The following POU2AF3 variants were observed in gnomAD, a reference collection of about 807,000 sequenced individuals.
POU2AF3 encodes the protein cancer susceptibility candidate 13.
chr11:111,302,317 G>A, the POU2AF3 span, among the ~76,000 whole-genome samples: 1 of 152,222 alleles, frequency 6.6e-6, no homozygotes, highest in Non-Finnish European at 1.5e-5. Flanking sequence ...TCAGTTCAGA[G>A]ATGGTTATAT....
chr11:111,308,358 G>C, the POU2AF3 span: 3 of 1,551,730 alleles, frequency 1.9e-6, no homozygotes, highest in African/African-American at 4.1e-5. Flanking sequence ...AGCACAGACT[G>C]TGTGGACTTT....
At chr11:111,298,826 G>GGGGGGGGGCGCC in the POU2AF3 span, 7 of 790,956 alleles carry the variant, frequency 8.9e-6, no homozygotes, top group Non-Finnish European at 1.0e-5. Context: ...CGTACCCCAG[G>GGGGGGGGGCGCC]CCCCCGCCCG....
At chr11:111,301,242 G>A in the POU2AF3 span, among the ~76,000 whole-genome samples, 7 of 152,154 alleles carry the variant, frequency 4.6e-5, no homozygotes, top group Non-Finnish European at 1.5e-5. Context: ...CAGTCATAAG[G>A]GTATACCCTG....
the POU2AF3 span, chr11:111,308,118 A>G: frequency 3.2e-6 from 5 of 1,545,736 alleles, no homozygotes; most frequent in African/African-American, 1.4e-5. Flanking sequence ...TCCTTAGACT[A>G]CAGTTACTCG....
At chr11:111,306,471 T>C in the POU2AF3 span, 8 of 1,511,824 alleles carry the variant, frequency 5.3e-6, no homozygotes, top group Admixed American at 9.6e-5. Flanking sequence ...TTGTGTTTCA[T>C]GTGAAGAAAA....
the POU2AF3 span, chr11:111,299,009 G>T: frequency 1.0e-6 from 1 of 995,306 alleles, no homozygotes; most frequent in Non-Finnish European, 1.2e-6. Flanking sequence ...AGGGGCGCCC[G>T]CTGCCCGCGG....
the POU2AF3 span, among the ~76,000 whole-genome samples, chr11:111,301,662 C>A: frequency 1.6e-4 from 25 of 152,264 alleles, no homozygotes; most frequent in Admixed American, 7.8e-4. Context: ...TATCCTCAAG[C>A]AAATTACCCA....
At chr11:111,304,786 AAAAG>A in the POU2AF3 span, 7 of 445,888 alleles carry the variant, frequency 1.6e-5, no homozygotes, top group South Asian at 1.2e-4. Flanking sequence ...TTGAAAAAAA[AAAAG>A]AAAGCAACTT....
chr11:111,304,879 C>G, the POU2AF3 span: 27 of 1,099,634 alleles, frequency 2.5e-5, no homozygotes, highest in Admixed American at 8.5e-5. Flanking sequence ...GCTTTCCCTT[C>G]AGAGCATTTC....
the POU2AF3 span, among the ~76,000 whole-genome samples, chr11:111,307,675 T>C: frequency 6.6e-6 from 1 of 152,204 alleles, no homozygotes; most frequent in South Asian, 2.1e-4. Context: ...ATCACCTGAT[T>C]CTTCATGGTG....
the POU2AF3 span, among the ~76,000 whole-genome samples, chr11:111,304,435 AAATT>A: frequency 5.9e-5 from 9 of 152,302 alleles, no homozygotes; most frequent in Non-Finnish European, 1.0e-4. Context: ...TTTTTACTAA[AAATT>A]AATCACTTTT....
the POU2AF3 span, among the ~76,000 whole-genome samples, chr11:111,304,271 A>C: frequency 6.6e-6 from 1 of 152,096 alleles, no homozygotes; most frequent in Non-Finnish European, 1.5e-5. Context: ...GGTATATGAA[A>C]TTTTTGAGAA....
At chr11:111,298,825 G>GGCGGC in the POU2AF3 span, 1 of 852,674 alleles carries the variant, frequency 1.2e-6, no homozygotes, top group South Asian at 6.2e-5. Context: ...GCGTACCCCA[G>GGCGGC]GCCCCCGCCC....
At chr11:111,299,739 G>A in the POU2AF3 span, 4 of 1,229,698 alleles carry the variant, frequency 3.3e-6, no homozygotes, top group East Asian at 6.3e-5. Flanking sequence ...GGAGAGAGGG[G>A]AAGAAGGGGA....
chr11:111,302,398 T>C, the POU2AF3 span, among the ~76,000 whole-genome samples: 1 of 152,152 alleles, frequency 6.6e-6, no homozygotes, highest in Non-Finnish European at 1.5e-5. Flanking sequence ...ACTTTCATAA[T>C]AAAATGTAAC....
At chr11:111,304,986 A>G in the POU2AF3 span, 3 of 1,231,806 alleles carry the variant, frequency 2.4e-6, no homozygotes, top group Non-Finnish European at 3.0e-6. Context: ...TCTGCAGGTC[A>G]GTACAGCCAG....
the POU2AF3 span, chr11:111,299,241 G>C: frequency 1.5e-4 from 151 of 985,564 alleles, 1 homozygote; most frequent in East Asian, 7.6e-3. Context: ...CGAGGCGCTG[G>C]CATCCTGGCA....
At chr11:111,303,559 G>A in the POU2AF3 span, among the ~76,000 whole-genome samples, 1 of 152,172 alleles carries the variant, frequency 6.6e-6, no homozygotes, top group Non-Finnish European at 1.5e-5. Context: ...CAATCCGGGG[G>A]AGGAATGGAG....
the POU2AF3 span, among the ~76,000 whole-genome samples, chr11:111,300,778 C>T: frequency 1.3e-5 from 2 of 152,222 alleles, no homozygotes; most frequent in African/African-American, 4.8e-5. Flanking sequence ...CAGCTGCATC[C>T]CAATCGGGAA....
Sources: allele counts gnomAD v4.1 joint callset (sites outside exome capture counted in the v4.1 genomes callset), GRCh38; gene constraint gnomAD v4.1.1; transcripts MANE v1.5; gene names NCBI Gene and HGNC (gene_info 2026-07-23, HGNC 2026-07-21).